Variants in GRIA3 observed in about 807,000 individuals in gnomAD.
GRIA3 encodes the protein glutamate ionotropic receptor AMPA type subunit 3.
Under a neutral mutation model 63.0 loss-of-function variants are expected in GRIA3, and 3 were observed. That is an observed-to-expected ratio of 0.05 (90% CI 0.02 to 0.12). GRIA3 has a LOEUF of 0.12. Among genes scored for constraint, GRIA3 ranks in the 10% least tolerant of loss-of-function variants. GRIA3 has a pLI of 1.00. For missense variants in GRIA3, 347 were observed against 700.9 expected, an observed-to-expected ratio of 0.50 and a Z score of 5.70; for synonymous variants, 274 against 257.9, an observed-to-expected ratio of 1.06 and a Z score of -0.60.
rs1240437092 is a variant in GRIA3 at position 123,301,099 on chromosome X, A to G, written c.509-24927A>G. 5.4e-5 allele frequency among the ~76,000 whole-genome samples: 6 copies of G among 111,131 alleles called. No individual in the cohort carries two copies. In the East Asian group the frequency reaches 1.7e-3, roughly 31 times the overall value. On this transcript the variant is annotated intron_variant, in intron 3 of 15. Coordinates refer to ENST00000620443, the MANE Select transcript of GRIA3 (RefSeq NM_007325.5). ...TGCTTTACTTCTGATCACGTGGTCAATTTTAGAGTATGTGCCATGTGCCAA... is the reference window on the plus strand; with the variant it reads ...TGCTTTACTTCTGATCACGTGGTCAGTTTTAGAGTATGTGCCATGTGCCAA...
chrX:123,354,817 AG>A (rs912721728), intron 4 of GRIA3, 92 bp from the exon 5 acceptor site: 26 of 627,611 alleles, frequency 4.1e-5, no homozygotes, highest in Non-Finnish European at 6.0e-5. Flanking sequence ...TGTATATAAA[AG>A]CTCTAACATT....
intron 2 of GRIA3, among the ~76,000 whole-genome samples, chrX:123,249,656 T>A (rs1474827066): frequency 9.0e-6 from 1 of 111,639 alleles, no homozygotes; most frequent in Non-Finnish European, 1.9e-5. Context: ...AGGAGTCAAA[T>A]GTTTCCTGAT....
chrX:123,330,532 G>T (rs761429426), intron 4 of GRIA3, among the ~76,000 whole-genome samples: 1 of 112,337 alleles, frequency 8.9e-6, no homozygotes, highest in South Asian at 3.7e-4. Context: ...ATCCAAAGAA[G>T]AGCAGCAAAA....
intron 3 of GRIA3, among the ~76,000 whole-genome samples, chrX:123,286,010 G>C (rs1174671311): frequency 9.2e-6 from 1 of 108,259 alleles, no homozygotes; most frequent in African/African-American, 3.4e-5. Context: ...CTGACCACAT[G>C]ATTGGAAGTA....
At chrX:123,294,138 A>G (rs754191075) in intron 3 of GRIA3, among the ~76,000 whole-genome samples, 182 of 110,769 alleles carry the variant, frequency 1.6e-3, no homozygotes, top group Non-Finnish European at 2.6e-3. Context: ...TTTAATCCTG[A>G]TGACTCAATG....
chrX:123,296,443 C>A (rs987687009), intron 3 of GRIA3, among the ~76,000 whole-genome samples: 3 of 110,799 alleles, frequency 2.7e-5, no homozygotes, highest in East Asian at 2.8e-4. Context: ...CAATTCCCAC[C>A]CCAACCTCCA....
chrX:123,283,785 A>G (rs2044601164), intron 3 of GRIA3, among the ~76,000 whole-genome samples: 1 of 112,782 alleles, frequency 8.9e-6, no homozygotes, highest in African/African-American at 3.2e-5. Flanking sequence ...TCTCTGGGAC[A>G]GAGCACCTGG....
At chrX:123,316,216 C>T (rs184215726) in intron 3 of GRIA3, among the ~76,000 whole-genome samples, 16 of 110,918 alleles carry the variant, frequency 1.4e-4, no homozygotes, top group Admixed American at 1.4e-3. Flanking sequence ...ATAATAAAGA[C>T]ATTAACATCA....
At chrX:123,404,644 G>C in intron 9 of GRIA3, 64 bp from the exon 10 acceptor site, 1 of 828,060 alleles carries the variant, frequency 1.2e-6, no homozygotes, top group Non-Finnish European at 1.8e-6. Context: ...AAAAATTATT[G>C]CATTTATCTT....
At chrX:123,384,446 GA>G (rs2045343025) in intron 5 of GRIA3, among the ~76,000 whole-genome samples, 1 of 111,685 alleles carries the variant, frequency 9.0e-6, no homozygotes, top group African/African-American at 3.3e-5. Context: ...CCAACATGGT[GA>G]AACCCCGTCT....
At chrX:123,255,358 C>T (rs972455852) in intron 3 of GRIA3, among the ~76,000 whole-genome samples, 2 of 111,237 alleles carry the variant, frequency 1.8e-5, no homozygotes, top group East Asian at 5.6e-4. Flanking sequence ...TACAAAATAG[C>T]TTGAATATTC....
intron 3 of GRIA3, among the ~76,000 whole-genome samples, chrX:123,263,788 C>T (rs1268195506): frequency 8.9e-6 from 1 of 112,314 alleles, no homozygotes; most frequent in African/African-American, 3.2e-5. Flanking sequence ...ATAGTGAGGT[C>T]GTTTTCCATC....
chrX:123,236,046 C>T lies in GRIA3; in HGVS notation c.269-17257C>T, dbSNP rs192907950. On this transcript the variant is annotated intron_variant, in intron 2 of 15. Transcript: ENST00000620443. ...TCCAGGGGCCTCTCTTAGTTTTCTC[C>T]GGGCTCAACAGACCAAAAGACCCTT... Among the ~76,000 whole-genome samples, 9 of 111,120 alleles carry T rather than the reference C, an allele frequency of 8.1e-5. No individual in the cohort carries two copies. The East Asian group carries it at 2.0e-3, about 24-fold the overall frequency.
intron 3 of GRIA3, among the ~76,000 whole-genome samples, chrX:123,307,113 C>G (rs1439092349): frequency 6.3e-5 from 7 of 111,768 alleles, no homozygotes; most frequent in Non-Finnish European, 1.3e-4. Flanking sequence ...GACTGTCAGG[C>G]TCTAGGGACA....
chrX:123,422,546 A>T (rs2045568740), intron 11 of GRIA3, among the ~76,000 whole-genome samples: 2 of 111,952 alleles, frequency 1.8e-5, no homozygotes, highest in Non-Finnish European at 3.8e-5. Context: ...GTACAGGCAG[A>T]TGGAAGAAGC....
At chrX:123,401,483 C>G (rs974593779) in intron 7 of GRIA3, among the ~76,000 whole-genome samples, 2 of 112,036 alleles carry the variant, frequency 1.8e-5, no homozygotes, top group African/African-American at 6.5e-5. Context: ...GTATCAGTCT[C>G]ATCCCACTGG....
rs377314111 is a variant in GRIA3, at chrX:123,224,536, T to C, written c.269-28767T>C. Among the ~76,000 whole-genome samples the C allele has an allele frequency of 1.1e-3, 120 of 111,869 alleles. No homozygotes were observed. In the South Asian group the frequency reaches 0.044, roughly 41 times the overall value. On this transcript the variant is annotated intron_variant, in intron 2 of 15. Coordinates refer to ENST00000620443, the MANE Select transcript of GRIA3 (RefSeq NM_007325.5). Reference sequence around the variant, plus strand: ...TTTCCAGAGTTTTCTCTTGAAAACATAGATATATATCTGACATTTCCACTC... The same window carrying C: ...TTTCCAGAGTTTTCTCTTGAAAACACAGATATATATCTGACATTTCCACTC...
intron 2 of GRIA3, among the ~76,000 whole-genome samples, chrX:123,198,364 C>G (rs1211934382): frequency 8.9e-6 from 1 of 112,129 alleles, no homozygotes; most frequent in Non-Finnish European, 1.9e-5. Flanking sequence ...TAGTAACTAT[C>G]TTATAAAGTT....
At chrX:123,225,242 C>T (rs143150967) in intron 2 of GRIA3, among the ~76,000 whole-genome samples, 9 of 112,063 alleles carry the variant, frequency 8.0e-5, no homozygotes, top group African/African-American at 2.6e-4. Context: ...TGAGATAATG[C>T]ATACAAAACA....
Sources: allele counts gnomAD v4.1 joint callset (sites outside exome capture counted in the v4.1 genomes callset), GRCh38; gene constraint gnomAD v4.1.1; transcripts MANE v1.5; gene names NCBI Gene and HGNC (gene_info 2026-07-23, HGNC 2026-07-21).